The following FAT3 variants were observed in gnomAD, a reference collection of about 807,000 sequenced individuals.
FAT3 encodes the protein protocadherin Fat 3.
A neutral mutation model predicts 310.2 loss-of-function variants in FAT3; 95 were observed. The ratio of observed to expected loss-of-function variants is 0.31; its 90% CI spans 0.26 to 0.36. The LOEUF (loss-of-function observed/expected upper bound fraction) is 0.36. Ranked by LOEUF, FAT3 falls within the 10% of genes least tolerant of loss-of-function variation. The pLI, the probability that FAT3 is intolerant of heterozygous loss-of-function variation, is 1.00. For synonymous variants in FAT3, 2,314 were observed against 2,192.9 expected, an observed-to-expected ratio of 1.06 and a Z score of -1.54; for missense variants, 5,408 against 5,715.6, an observed-to-expected ratio of 0.95 and a Z score of 1.74.
chr11:92,885,521 T>G (rs917375513), intron 24 of FAT3, among the ~76,000 whole-genome samples: 3 of 152,204 alleles, frequency 2.0e-5, no homozygotes, highest in Non-Finnish European at 4.4e-5. Context: ...CTGCCCCAAC[T>G]TGCTATCTGC....
chr11:92,894,990 T>C lies in FAT3; in HGVS notation c.*3877T>C, dbSNP rs889982982. 6.6e-6 allele frequency: 1 copy of C among 152,174 alleles called. No individual in the cohort carries two copies. The highest frequency in any genetic ancestry group is 2.1e-4 in the South Asian group (1 of 4,834). The allele number at this position is 152,174 out of a possible 1,614,324, so 9.4% of individuals were successfully genotyped here. ...GTTTGCATCATCAAAGTCAGGGGAA[T>C]TGAGAAAAGAGATTATCAAAATAAA... On this transcript the variant is annotated 3_prime_UTR_variant, in exon 28 of 28. Coordinates refer to ENST00000525166, the MANE Select transcript of FAT3 (RefSeq NM_001367949.2).
chr11:92,395,701 C>A (rs996771274), intron 2 of FAT3, among the ~76,000 whole-genome samples: 2 of 152,010 alleles, frequency 1.3e-5, no homozygotes, highest in African/African-American at 2.4e-5. Flanking sequence ...GCCTCACCCT[C>A]CTGAGTAGCT....
At chr11:92,363,295 A>G (rs1948926362) in intron 2 of FAT3, among the ~76,000 whole-genome samples, 1 of 152,220 alleles carries the variant, frequency 6.6e-6, no homozygotes, top group Admixed American at 6.5e-5. Context: ...GTGAAAACCA[A>G]GAAATGGAAG....
At chr11:92,754,869 AAATAAT>A (rs989448040) in intron 4 of FAT3, among the ~76,000 whole-genome samples, 9 of 151,830 alleles carry the variant, frequency 5.9e-5, no homozygotes, top group African/African-American at 1.7e-4. Context: ...TTGATCTAAA[AAATAAT>A]AATAATAATA....
chr11:92,579,791 G>T (rs1436847969), intron 3 of FAT3, among the ~76,000 whole-genome samples: 1 of 152,094 alleles, frequency 6.6e-6, no homozygotes, highest in African/African-American at 2.4e-5. Context: ...AATATTAGAG[G>T]TTGTAGGATT....
intron 2 of FAT3, among the ~76,000 whole-genome samples, chr11:92,455,540 G>T (rs1951473878): frequency 6.6e-6 from 1 of 152,150 alleles, no homozygotes; most frequent in African/African-American, 2.4e-5. Context: ...ACTGACAATT[G>T]TCTGCTTCTA....
At chr11:92,572,467 A>G (rs1938222660) in intron 3 of FAT3, among the ~76,000 whole-genome samples, 1 of 152,182 alleles carries the variant, frequency 6.6e-6, no homozygotes, top group African/African-American at 2.4e-5. Flanking sequence ...GTTTTAAAGA[A>G]TGCTGTTCTC....
intron 2 of FAT3, among the ~76,000 whole-genome samples, chr11:92,482,543 C>T (rs1184964009): frequency 2.0e-5 from 3 of 152,302 alleles, no homozygotes; most frequent in East Asian, 3.9e-4. Flanking sequence ...CAACACAGGT[C>T]GTTCTGACTT....
intron 19 of FAT3, among the ~76,000 whole-genome samples, chr11:92,854,511 G>C (rs972678699): frequency 6.6e-6 from 1 of 152,180 alleles, no homozygotes; most frequent in African/African-American, 2.4e-5. Context: ...ACAGGCTATC[G>C]CTACCATCAC....
At chr11:92,540,095 G>A (rs77435366) in intron 3 of FAT3, among the ~76,000 whole-genome samples, 2 of 152,314 alleles carry the variant, frequency 1.3e-5, no homozygotes, top group East Asian at 3.9e-4. Flanking sequence ...GATATCTAGT[G>A]CAGTAATATT....
chr11:92,460,691 T>C (rs1398877917), intron 2 of FAT3, among the ~76,000 whole-genome samples: 3 of 152,208 alleles, frequency 2.0e-5, no homozygotes, highest in African/African-American at 4.8e-5. Context: ...AGCATCCCAC[T>C]GCAAGAGAGT....
chr11:92,870,218 A>C (rs1300420450), intron 22 of FAT3, among the ~76,000 whole-genome samples: 1 of 152,152 alleles, frequency 6.6e-6, no homozygotes, highest in Non-Finnish European at 1.5e-5. Context: ...TTTTTCTTTT[A>C]GGGATACAGG....
intron 4 of FAT3, among the ~76,000 whole-genome samples, chr11:92,744,623 T>C (rs568236761): frequency 6.6e-6 from 1 of 152,318 alleles, no homozygotes; most frequent in African/African-American, 2.4e-5. Flanking sequence ...ACCGTGATGA[T>C]GAATGATAAC....
At chr11:92,401,330 G>A (rs951359596) in intron 2 of FAT3, among the ~76,000 whole-genome samples, 1 of 152,100 alleles carries the variant, frequency 6.6e-6, no homozygotes, top group Non-Finnish European at 1.5e-5. Flanking sequence ...CTGGGATAGG[G>A]GCTTGAAGGG....
chr11:92,823,144 C>T (rs1415212266), intron 13 of FAT3, among the ~76,000 whole-genome samples: 1 of 152,172 alleles, frequency 6.6e-6, no homozygotes, highest in Non-Finnish European at 1.5e-5. Flanking sequence ...TGCCATGCAG[C>T]AGGAGTTAAG....
At chr11:92,822,402 A>G (rs984390512) in intron 13 of FAT3, among the ~76,000 whole-genome samples, 1 of 152,018 alleles carries the variant, frequency 6.6e-6, no homozygotes, top group Non-Finnish European at 1.5e-5. Flanking sequence ...TTAAGGCAGT[A>G]CTAATATAGC....
chr11:92,240,618 G>A (rs1864637203), intron 1 of FAT3, among the ~76,000 whole-genome samples: 1 of 150,014 alleles, frequency 6.7e-6, no homozygotes, highest in African/African-American at 2.4e-5. Context: ...AACTGTAATT[G>A]AAGGTTTTTG....
chr11:92,794,714 A>G (rs1947125720), intron 9 of FAT3, among the ~76,000 whole-genome samples: 1 of 152,196 alleles, frequency 6.6e-6, no homozygotes, highest in South Asian at 2.1e-4. Flanking sequence ...CCAAACTTCC[A>G]GAAAACCATG....
chr11:92,866,961 C>T lies in FAT3; in HGVS notation c.11879C>T (p.Ala3960Val), dbSNP rs761904934. 6.2e-7 allele frequency: 1 copy of T among 1,613,234 alleles called. No homozygotes were observed. The highest frequency in any genetic ancestry group is 1.7e-5 in the Admixed American group (1 of 59,990). The change falls in exon 22 of 28, where the codon GCC (alanine) becomes GTC (valine). Residue 3960 changes from alanine (A) to valine (V), a missense_variant. By Grantham distance (64) the Ala-to-Val change is moderately conservative. This residue lies in a region of FAT3 where 4,588 missense variants were observed against 4,809.8 expected (regional missense o/e 0.95). Coordinates refer to ENST00000525166, the MANE Select transcript of FAT3 (RefSeq NM_001367949.2). ...ACTGAGAGTAGCATCTACTTCGGCG[C>T]CCTGGTGCAAGCGGATAACATCCGC... ...LSTESSIYFG[A>V]LVQADNIRSL...
Sources: allele counts gnomAD v4.1 joint callset (sites outside exome capture counted in the v4.1 genomes callset), GRCh38; gene constraint gnomAD v4.1.1; regional missense constraint gnomAD v4.1.1; transcripts MANE v1.5; gene names NCBI Gene and HGNC (gene_info 2026-07-23, HGNC 2026-07-21).